Variants in CDKAL1 observed in about 807,000 individuals in gnomAD.
CDKAL1 encodes the protein CDKAL1 threonylcarbamoyladenosine tRNA methylthiotransferase.
A neutral mutation model predicts 68.2 loss-of-function variants in CDKAL1; 32 were observed. That is an observed-to-expected ratio of 0.47 (90% CI 0.35 to 0.63). The LOEUF is 0.63. CDKAL1 is among the 30% of genes least tolerant of loss of function. The pLI, the probability that CDKAL1 is intolerant of heterozygous loss-of-function variation, is 0.00. For missense variants in CDKAL1, 606 were observed against 696.7 expected (o/e 0.87, Z 1.47); for synonymous variants, 234 against 244.3 (o/e 0.96, Z 0.39).
chr6:20,991,852 T>TAA (rs550170759), intron 10 of CDKAL1, among the ~76,000 whole-genome samples: 15 of 141,570 alleles, frequency 1.1e-4, no homozygotes, highest in African/African-American at 2.1e-4. Context: ...CCTGTCTCTT[T>TAA]AAAAAAAAAA....
chr6:20,963,143 G>A lies in CDKAL1; in HGVS notation c.909+7558G>A, dbSNP rs543667842. Among the ~76,000 whole-genome samples, 5 of 152,242 alleles carry A rather than the reference G, an allele frequency of 3.3e-5. No individual in the cohort carries two copies. The East Asian group carries it at 7.7e-4, about 23-fold the overall frequency. On this transcript the variant is annotated intron_variant, in intron 10 of 15. Transcript: ENST00000274695. ...TCTGGAAGGGAGGATGTGGATGAAA[G>A]GAATGTCCTTTCTTGCCTGCCAAAG...
At chr6:21,079,190 AAC>A (rs1240750038) in intron 12 of CDKAL1, among the ~76,000 whole-genome samples, 2 of 152,124 alleles carry the variant, frequency 1.3e-5, no homozygotes, top group African/African-American at 4.8e-5. Context: ...TGAAGTGGAG[AAC>A]AATATGCAGG....
In CDKAL1 at chr6:21,108,383, TTTTG is replaced by T; in HGVS notation, c.1237-14_1237-11del. 1 of 1,594,912 alleles carries T rather than the reference TTTTG, an allele frequency of 6.3e-7. No individual in the cohort carries two copies. The highest frequency in any genetic ancestry group is 8.6e-7 in the Non-Finnish European group (1 of 1,168,106). ...TGTTTGTATGTTGGTTTTTTGTTTTTTTTGTTTTTTTTCACAGAAAAAGCAAAGG... is the reference window on the plus strand; with the variant it reads ...TGTTTGTATGTTGGTTTTTTGTTTTTTTTTTTTTCACAGAAAAAGCAAAGG... On this transcript the variant is annotated splice_polypyrimidine_tract_variant and intron_variant, in intron 12 of 15. Coordinates refer to ENST00000274695, the MANE Select transcript of CDKAL1 (RefSeq NM_017774.3).
intron 5 of CDKAL1, among the ~76,000 whole-genome samples, chr6:20,695,301 G>A (rs1184083453): frequency 2.0e-5 from 3 of 152,074 alleles, no homozygotes; most frequent in African/African-American, 7.2e-5. Context: ...AGGGCTTTTG[G>A]TCCATCAGCC....
At chr6:21,008,927 T>C (rs1168860069) in intron 11 of CDKAL1, among the ~76,000 whole-genome samples, 1 of 152,218 alleles carries the variant, frequency 6.6e-6, no homozygotes, top group Non-Finnish European at 1.5e-5. Flanking sequence ...ACATTCCTTT[T>C]AATAGCACAT....
intron 4 of CDKAL1, among the ~76,000 whole-genome samples, chr6:20,587,177 C>A (rs1001948631): frequency 1.3e-5 from 2 of 151,622 alleles, no homozygotes; most frequent in Non-Finnish European, 2.9e-5. Flanking sequence ...AGTAGAGACG[C>A]GGTTTTGCCA....
At chr6:21,062,299 T>C (rs938948471) in intron 11 of CDKAL1, among the ~76,000 whole-genome samples, 2 of 152,364 alleles carry the variant, frequency 1.3e-5, no homozygotes, top group East Asian at 1.9e-4. Context: ...TATTATGATC[T>C]GCTGTGATCC....
intron 11 of CDKAL1, among the ~76,000 whole-genome samples, chr6:21,056,856 C>T (rs963387694): frequency 3.3e-5 from 5 of 152,164 alleles, no homozygotes; most frequent in African/African-American, 1.2e-4. Flanking sequence ...ACCAGCCTTG[C>T]GTCCAGGGAT....
At chr6:20,625,918 T>C (rs1767410194) in intron 4 of CDKAL1, among the ~76,000 whole-genome samples, 1 of 152,172 alleles carries the variant, frequency 6.6e-6, no homozygotes, top group South Asian at 2.1e-4. Flanking sequence ...CTTAAAACAA[T>C]AATGCTGTCT....
chr6:20,825,843 A>G (rs910352435), intron 8 of CDKAL1, among the ~76,000 whole-genome samples: 5 of 152,112 alleles, frequency 3.3e-5, no homozygotes, highest in Admixed American at 1.3e-4. Flanking sequence ...TGCTACTTAG[A>G]GAGGTCCCCA....
chr6:20,611,774 T>C (rs1178598741), intron 4 of CDKAL1, among the ~76,000 whole-genome samples: 1 of 152,174 alleles, frequency 6.6e-6, no homozygotes, highest in African/African-American at 2.4e-5. Flanking sequence ...TCTAGTTGTA[T>C]ATTTGAAATA....
chr6:20,776,192 T>C (rs914721690), intron 7 of CDKAL1, among the ~76,000 whole-genome samples: 1 of 152,220 alleles, frequency 6.6e-6, no homozygotes, highest in Non-Finnish European at 1.5e-5. Flanking sequence ...ATGAAATTTG[T>C]CTCATGCAAG....
chr6:21,032,737 G>A (rs898871451), intron 11 of CDKAL1, among the ~76,000 whole-genome samples: 2 of 152,208 alleles, frequency 1.3e-5, no homozygotes, highest in East Asian at 1.9e-4. Flanking sequence ...TGTAGCCTAG[G>A]AACCATAGCC....
At chr6:20,977,994 A>G (rs374873861) in intron 10 of CDKAL1, among the ~76,000 whole-genome samples, 4 of 152,232 alleles carry the variant, frequency 2.6e-5, no homozygotes, top group African/African-American at 9.6e-5. Flanking sequence ...GAAAATAAGC[A>G]ATTGTAGACT....
At chr6:21,011,996 G>A (rs995894747) in intron 11 of CDKAL1, among the ~76,000 whole-genome samples, 1 of 152,186 alleles carries the variant, frequency 6.6e-6, no homozygotes, top group Non-Finnish European at 1.5e-5. Context: ...GCCAGATGGT[G>A]GAACTCTGTA....
At chr6:21,188,422 A>C (rs184249729) in intron 13 of CDKAL1, among the ~76,000 whole-genome samples, 206 of 152,292 alleles carry the variant, frequency 1.4e-3, no homozygotes, top group Admixed American at 2.8e-3. Flanking sequence ...CCTTTCTGAG[A>C]ATCTGCTCTC....
chr6:20,851,702 G>T (rs183393156), intron 9 of CDKAL1, among the ~76,000 whole-genome samples: 25 of 151,578 alleles, frequency 1.6e-4, no homozygotes, highest in Admixed American at 1.1e-3. Flanking sequence ...GATTAATTTC[G>T]ATATTAATGT....
chr6:20,663,961 G>A lies in CDKAL1; in HGVS notation c.371+14584G>A, dbSNP rs181621040. Among the ~76,000 whole-genome samples the A allele has an allele frequency of 1.5e-3, 233 of 151,984 alleles. 1 individual carries two copies. Among genetic ancestry groups the A allele is most frequent in the Middle Eastern group, 6.8e-3 (2 of 294 alleles). On this transcript the variant is annotated intron_variant, in intron 5 of 15. Coordinates refer to ENST00000274695, the MANE Select transcript of CDKAL1 (RefSeq NM_017774.3). The stretch of plus-strand genomic sequence containing the variant: ...ACTAAGATGGAAATTTAATGTTTTA[G>A]ATTTCACTTGAAAAAAAAATGGAGA...
At chr6:20,904,419 A>G (rs4712563) in intron 9 of CDKAL1, among the ~76,000 whole-genome samples, 93,706 of 151,894 alleles carry the variant, frequency 0.62, 29,102 homozygotes, top group African/African-American at 0.69. Flanking sequence ...ATTTTTTTCT[A>G]TTTCCATTTT....
Sources: allele counts gnomAD v4.1 joint callset (sites outside exome capture counted in the v4.1 genomes callset), GRCh38; gene constraint gnomAD v4.1.1; transcripts MANE v1.5; gene names NCBI Gene and HGNC (gene_info 2026-07-23, HGNC 2026-07-21).